EPHA6: variants seen among roughly 807,000 people sequenced by gnomAD.
EPHA6 encodes EPH receptor A6, also known as ephrin type-A receptor 6.
In EPHA6, 50 loss-of-function variants were observed where a neutral mutation model predicts 112.0. The ratio of observed to expected loss-of-function variants is 0.45; its 90% CI spans 0.36 to 0.56. The LOEUF (loss-of-function observed/expected upper bound fraction) is 0.56, where lower values mean the gene tolerates loss of function less well. Ranked by LOEUF, EPHA6 falls within the 20% of genes least tolerant of loss-of-function variation. The probability of loss-of-function intolerance (pLI) is 0.00; values close to 1 mark genes in which losing one functional copy is unlikely to be tolerated. For synonymous variants in EPHA6, 529 were observed against 490.7 expected (o/e 1.08, Z -1.03); for missense variants, 1,280 against 1,417.4 (o/e 0.90, Z 1.56).
At chr3:97,509,884 C>A (rs576771312) in intron 10 of EPHA6, among the ~76,000 whole-genome samples, 5 of 151,930 alleles carry the variant, frequency 3.3e-5, no homozygotes, top group African/African-American at 4.8e-5. Context: ...TTTGTTCATT[C>A]CTTTTCATTA....
rs761260100 is a variant in EPHA6, at chr3:97,226,407, A to G, written c.1258A>G (p.Met420Val). The change falls in exon 4 of 18, where the codon ATG (methionine) becomes GTG (valine). Residue 420 changes from methionine (M) to valine (V), a missense_variant. Around this residue, in one of 4 missense-constraint regions of EPHA6, gnomAD observed 878 missense variants for 999.7 expected, o/e 0.88. Transcript: ENST00000389672. ...YFRAEKDPPS[M>V]ACTRPPSAPR... ...CCGAGCTGAAAAAGACCCACCTTCTATGGCATGTACCAGTAAGTCTATACA... is the reference window on the plus strand; with the variant it reads ...CCGAGCTGAAAAAGACCCACCTTCTGTGGCATGTACCAGTAAGTCTATACA... 5 of 1,613,202 alleles carry G rather than the reference A, an allele frequency of 3.1e-6. No individual in the cohort carries two copies. The East Asian group carries it at 6.7e-5, about 22-fold the overall frequency.
chr3:97,530,172 A>G (rs1016110497), intron 10 of EPHA6, among the ~76,000 whole-genome samples: 7 of 152,042 alleles, frequency 4.6e-5, no homozygotes, highest in Admixed American at 2.0e-4. Context: ...ATCAATTTCA[A>G]GTATCTTAAT....
intron 3 of EPHA6, among the ~76,000 whole-genome samples, chr3:97,207,479 C>G (rs548722324): frequency 2.8e-4 from 42 of 152,162 alleles, no homozygotes; most frequent in African/African-American, 8.4e-4. Flanking sequence ...AGAGGAGAGA[C>G]AAGTTTGTGT....
chr3:97,656,317 C>T (rs1009720480), intron 14 of EPHA6, among the ~76,000 whole-genome samples: 4 of 151,818 alleles, frequency 2.6e-5, no homozygotes, highest in Admixed American at 6.6e-5. Context: ...AATATTACTA[C>T]TACTGATTTT....
At chr3:97,595,612 T>A (rs1005446997) in intron 12 of EPHA6, among the ~76,000 whole-genome samples, 1 of 150,624 alleles carries the variant, frequency 6.6e-6, no homozygotes, top group Non-Finnish European at 1.5e-5. Context: ...GCCACTGCAC[T>A]CCAGCCTGGG....
At chr3:97,644,283 A>G (rs1042423195) in intron 14 of EPHA6, among the ~76,000 whole-genome samples, 1 of 149,880 alleles carries the variant, frequency 6.7e-6, no homozygotes, top group Non-Finnish European at 1.5e-5. Context: ...GGACGCATTC[A>G]AAGCAGTGTG....
chr3:96,828,869 G>T (rs534704708), intron 1 of EPHA6, among the ~76,000 whole-genome samples: 3 of 152,236 alleles, frequency 2.0e-5, no homozygotes, highest in East Asian at 3.9e-4. Context: ...TTAGCAACCA[G>T]ATAATTAATT....
chr3:96,888,988 A>G (rs973244554), intron 2 of EPHA6, among the ~76,000 whole-genome samples: 2 of 152,126 alleles, frequency 1.3e-5, no homozygotes, highest in Non-Finnish European at 2.9e-5. Flanking sequence ...TTCTTCCGCC[A>G]GATACCCTAA....
chr3:97,668,911 C>CAAAAAAAAA lies in EPHA6; in HGVS notation c.2784+30854_2784+30862dup, dbSNP rs397990599. ...TGTGTGACAGAGTGAGACTCTGTCT[C>CAAAAAAAAA]AAAAAAAAAAAAAAAAAAAAAAAAA... On this transcript the variant is annotated intron_variant, in intron 14 of 17. Transcript: ENST00000389672. Among the ~76,000 whole-genome samples, 24 of 31,914 alleles carry CAAAAAAAAA rather than the reference C, an allele frequency of 7.5e-4. 5 individuals carry two copies. Among genetic ancestry groups the CAAAAAAAAA allele is most frequent in the Non-Finnish European group, 1.1e-3 (21 of 18,816 alleles). 20.9% of individuals were successfully genotyped at this position (31,914 alleles called of 152,430 possible). A position where few individuals can be genotyped will look rare whatever the true frequency, so the allele number is the denominator to read the frequency against.
chr3:97,742,306 C>T (rs1273941445), intron 16 of EPHA6, among the ~76,000 whole-genome samples: 1 of 152,096 alleles, frequency 6.6e-6, no homozygotes, highest in Non-Finnish European at 1.5e-5. Flanking sequence ...TGGATTACTT[C>T]CTCACAAAAG....
intron 2 of EPHA6, among the ~76,000 whole-genome samples, chr3:96,975,631 T>A (rs921346323): frequency 5.3e-5 from 8 of 152,186 alleles, no homozygotes; most frequent in African/African-American, 1.9e-4. Context: ...AACCTTGTAG[T>A]ACATGAAAGA....
chr3:96,828,376 A>C (rs2033803483), intron 1 of EPHA6, among the ~76,000 whole-genome samples: 1 of 152,146 alleles, frequency 6.6e-6, no homozygotes, highest in African/African-American at 2.4e-5. Flanking sequence ...GAATGAAAGA[A>C]AATTTAAAAA....
At chr3:97,276,772 G>A (rs538494352) in intron 5 of EPHA6, among the ~76,000 whole-genome samples, 2 of 152,106 alleles carry the variant, frequency 1.3e-5, no homozygotes, top group African/African-American at 4.8e-5. Context: ...GCCATGAACT[G>A]GGCTGGGTTT....
intron 5 of EPHA6, among the ~76,000 whole-genome samples, chr3:97,247,166 A>T (rs751867145): frequency 6.6e-5 from 10 of 152,030 alleles, no homozygotes; most frequent in Non-Finnish European, 1.2e-4. Context: ...AAACTATCTG[A>T]TAACACGTTA....
intron 3 of EPHA6, among the ~76,000 whole-genome samples, chr3:97,168,690 G>A (rs1224871088): frequency 2.6e-5 from 4 of 151,782 alleles, no homozygotes; most frequent in African/African-American, 9.7e-5. Flanking sequence ...ATGATTGTAA[G>A]TTTCCTGAGG....
chr3:97,694,946 G>T (rs2032934952), intron 14 of EPHA6, among the ~76,000 whole-genome samples: 1 of 152,010 alleles, frequency 6.6e-6, no homozygotes, highest in Non-Finnish European at 1.5e-5. Context: ...TTTATCCCTG[G>T]GCAGTACCAT....
At chr3:96,844,461 A>G (rs758614093) in intron 1 of EPHA6, among the ~76,000 whole-genome samples, 1 of 151,980 alleles carries the variant, frequency 6.6e-6, no homozygotes, top group Non-Finnish European at 1.5e-5. Context: ...TACTTTTTCT[A>G]ATAATTATGC....
At chr3:96,986,156 G>A (rs1431096760) in intron 2 of EPHA6, among the ~76,000 whole-genome samples, 1 of 152,122 alleles carries the variant, frequency 6.6e-6, no homozygotes, top group Non-Finnish European at 1.5e-5. Context: ...TAAATTTACA[G>A]TATAGAAGTA....
chr3:96,862,663 T>A (rs1163726413), intron 1 of EPHA6, among the ~76,000 whole-genome samples: 1 of 151,944 alleles, frequency 6.6e-6, no homozygotes, highest in Non-Finnish European at 1.5e-5. Flanking sequence ...AAAGATGATC[T>A]TCTATTATAT....
Sources: gnomAD v4.1 joint callset for allele counts (sites outside exome capture counted in the v4.1 genomes callset) on GRCh38, gnomAD v4.1.1 for gene constraint, gnomAD v4.1.1 regional missense constraint, MANE v1.5 for transcripts, NCBI Gene and HGNC (gene_info 2026-07-23, HGNC 2026-07-21) for gene names.